Variants in DNAH12 observed in about 807,000 individuals in gnomAD.
The protein encoded by DNAH12 is axonemal beta dynein heavy chain 12.
In DNAH12, 285 loss-of-function variants were observed where a neutral mutation model predicts 371.5. The ratio of observed to expected loss-of-function variants is 0.77; its 90% CI spans 0.70 to 0.85. The LOEUF (loss-of-function observed/expected upper bound fraction) is 0.85, where lower values mean the gene tolerates loss of function less well. Ranked by LOEUF, DNAH12 falls within the 40% of genes least tolerant of loss-of-function variation. DNAH12 has a pLI of 0.00. For synonymous variants in DNAH12, 1,200 were observed against 1,213.0 expected, an observed-to-expected ratio of 0.99 and a Z score of 0.22; for missense variants, 3,611 against 3,689.4, an observed-to-expected ratio of 0.98 and a Z score of 0.55.
Position 57,470,363 on chromosome 3 carries a change from A to G in DNAH12, c.2105+80T>C, listed in dbSNP as rs988655294. 8.3e-6 allele frequency: 11 copies of G among 1,324,896 alleles called. No homozygotes were observed. In the Admixed American group the frequency reaches 3.3e-4, roughly 40 times the overall value. The allele number at this position is 1,324,896 out of a possible 1,614,324, so 82.1% of individuals were successfully genotyped here. On this transcript the variant is annotated intron_variant, in intron 16 of 73. Transcript: ENST00000495027. ...ATATAAATCCTACTTTTAAACACTT[A>G]ACCAAAAAAAAAATCAATTTATATT... is the stretch of plus-strand genomic sequence containing the variant.
Position 57,471,381 on chromosome 3 carries a change from A to G in DNAH12, c.1911+91T>C, listed in dbSNP as rs1016450748. 3.3e-6 allele frequency: 4 copies of G among 1,218,790 alleles called. No homozygotes were observed. In the African/African-American group the frequency reaches 6.4e-5, roughly 19 times the overall value. 75.5% of individuals were successfully genotyped at this position (1,218,790 alleles called of 1,614,324 possible). A position where few individuals can be genotyped will look rare whatever the true frequency, so the allele number is the denominator to read the frequency against. On this transcript the variant is annotated intron_variant, in intron 15 of 73. Transcript: ENST00000495027. Reference sequence around the variant, plus strand: ...TAGAGTAAACATAAAAAAATAGTAAACATATTTTTCTATACTTTTAAATTT... The same window carrying G: ...TAGAGTAAACATAAAAAAATAGTAAGCATATTTTTCTATACTTTTAAATTT...
upstream of DNAH12, among the ~76,000 whole-genome samples, chr3:57,547,513 C>A (rs1559773627): frequency 1.3e-5 from 2 of 152,018 alleles, no homozygotes; most frequent in Non-Finnish European, 2.9e-5. Context: ...TTTACAAGAA[C>A]AGATTCCTCT....
chr3:57,489,209 T>C (rs2067035054), intron 12 of DNAH12, among the ~76,000 whole-genome samples: 1 of 152,186 alleles, frequency 6.6e-6, no homozygotes, highest in African/African-American at 2.4e-5. Flanking sequence ...ATCCCAGATC[T>C]GCCCAATATC....
At chr3:57,520,648 A>C (rs900344394) in intron 4 of DNAH12, among the ~76,000 whole-genome samples, 5 of 151,612 alleles carry the variant, frequency 3.3e-5, no homozygotes, top group Non-Finnish European at 7.4e-5. Context: ...TCACCGTGTT[A>C]GCCAGGATGG....
intron 60 of DNAH12, 138 bp from the exon 61 acceptor site, chr3:57,335,078 A>C (rs375009374): frequency 1.6e-5 from 14 of 902,168 alleles, no homozygotes; most frequent in South Asian, 1.0e-4. Context: ...AAACTGGACA[A>C]AATTAATGAA....
chr3:57,438,918 C>CGAAAGAAAAAAAAAAAAAAA (rs562343761), intron 29 of DNAH12, among the ~76,000 whole-genome samples: 1 of 94,496 alleles, frequency 1.1e-5, no homozygotes, highest in Non-Finnish European at 2.0e-5. Context: ...CTGTCTCAGA[C>CGAAAGAAAAAAAAAAAAAAA]AAAAAAAAAA....
At position 57,375,513 on chromosome 3, in the gene DNAH12, T is replaced by C. The variant is rs2063263774; in HGVS notation, c.8617A>G (p.Lys2873Glu). The change falls in exon 55 of 74, where the codon AAA becomes GAA. Residue 2873 changes from lysine (K) to glutamate (E), a missense_variant. Lys to Glu is a moderately conservative substitution (Grantham distance 56). Transcript: ENST00000495027. ...AACTCCTCTGAACACGGGATTTTTT[T>C]CTTCTGTAAGAAATAAACAAAAATC... ...TKDWSMLCKK[K>E]KIPCSEEFLL... The C allele has an allele frequency of 1.3e-5, 2 of 152,302 alleles. No individual in the cohort carries two copies. Among genetic ancestry groups the C allele is most frequent in the South Asian group, 4.1e-4 (2 of 4,832 alleles). 9.4% of individuals were successfully genotyped at this position (152,302 alleles called of 1,614,324 possible).
the DNAH12 span, among the ~76,000 whole-genome samples, chr3:57,555,381 T>C: frequency 3.3e-5 from 5 of 152,306 alleles, no homozygotes; most frequent in East Asian, 9.6e-4. Flanking sequence ...AGAGTCTTCC[T>C]ATTTACTAAC....
chr3:57,310,213 C>T (rs1048095840), intron 67 of DNAH12, among the ~76,000 whole-genome samples: 2 of 152,152 alleles, frequency 1.3e-5, no homozygotes, highest in Non-Finnish European at 2.9e-5. Flanking sequence ...ATCACTTTCC[C>T]ACAATGTATT....
intron 4 of DNAH12, among the ~76,000 whole-genome samples, chr3:57,516,722 T>C (rs2068212409): frequency 6.6e-6 from 1 of 152,244 alleles, no homozygotes; most frequent in African/African-American, 2.4e-5. Context: ...ACCTGGTTCT[T>C]CCTTTATACT....
chr3:57,461,367 C>A, intron 19 of DNAH12, 122 bp downstream of exon 19: 1 of 808,648 alleles, frequency 1.2e-6, no homozygotes, highest in Non-Finnish European at 1.9e-6. Context: ...AGTTATAGGT[C>A]TATGATTTGA....
intron 47 of DNAH12, among the ~76,000 whole-genome samples, chr3:57,386,061 TAGTA>T (rs1442435940): frequency 3.2e-4 from 48 of 152,268 alleles, no homozygotes; most frequent in African/African-American, 1.1e-3. Context: ...GAACTAACAC[TAGTA>T]AGTATTACTA....
At chr3:57,415,993 G>A (rs987277674) in intron 37 of DNAH12, among the ~76,000 whole-genome samples, 6 of 151,934 alleles carry the variant, frequency 3.9e-5, no homozygotes, top group African/African-American at 1.5e-4. Context: ...TCACCGTGTT[G>A]GCCAGGCTGG....
At chr3:57,553,866 C>A in the DNAH12 span, among the ~76,000 whole-genome samples, 3 of 150,428 alleles carry the variant, frequency 2.0e-5, no homozygotes, top group East Asian at 5.9e-4. Flanking sequence ...TTGCTGTCTC[C>A]CAAGCTGGAG....
At chr3:57,333,836 T>C (rs952952416) in intron 62 of DNAH12, among the ~76,000 whole-genome samples, 1 of 152,032 alleles carries the variant, frequency 6.6e-6, no homozygotes, top group Non-Finnish European at 1.5e-5. Flanking sequence ...TTATTAGACA[T>C]GCCAAAAAGC....
At chr3:57,525,477 T>TG (rs2068613368) in intron 2 of DNAH12, among the ~76,000 whole-genome samples, 1 of 152,090 alleles carries the variant, frequency 6.6e-6, no homozygotes, top group Non-Finnish European at 1.5e-5. Context: ...TACTGTGAGA[T>TG]GGGTGGGGAT....
At chr3:57,302,567 A>ATATATATTTTTTTTTT (rs2061380979) in intron 69 of DNAH12, among the ~76,000 whole-genome samples, 1 of 27,480 alleles carries the variant, frequency 3.6e-5, no homozygotes, top group Non-Finnish European at 6.3e-5. Context: ...ATATATATGT[A>ATATATATTTTTTTTTT]TTTTTTTTTT....
Position 57,405,081 on chromosome 3 carries a change from C to T in DNAH12, c.6643G>A (p.Asp2215Asn). ...DYMNPDLEGD[D>N]RVYIEIPNIH... ...TTTGGAATTTCAATATAAACTCTAT[C>T]ATCTCCTTCAAGGTCAGGATTCATA... The change falls in exon 42 of 74, where the codon GAT becomes AAT. Residue 2215 changes from aspartate to asparagine, a missense_variant. By Grantham distance (23) the Asp-to-Asn change is conservative. Around this residue, in one of 3 missense-constraint regions of DNAH12, gnomAD observed 2,266 missense variants for 2,236.9 expected, o/e 1.01. Transcript: ENST00000495027. The T allele has an allele frequency of 6.5e-7, 1 of 1,546,598 alleles. No homozygotes were observed. Among genetic ancestry groups the T allele is most frequent in the Non-Finnish European group, 8.7e-7 (1 of 1,145,336 alleles).
At chr3:57,525,168 A>AAG (rs2068597220) in intron 2 of DNAH12, among the ~76,000 whole-genome samples, 1 of 149,904 alleles carries the variant, frequency 6.7e-6, no homozygotes, top group Non-Finnish European at 1.5e-5. Context: ...AAAAAAAAAA[A>AAG]AAAGAAAAAA....
Sources: gnomAD v4.1 joint callset for allele counts (sites outside exome capture counted in the v4.1 genomes callset) on GRCh38, gnomAD v4.1.1 for gene constraint, gnomAD v4.1.1 regional missense constraint, MANE v1.5 for transcripts, NCBI Gene and HGNC (gene_info 2026-07-23, HGNC 2026-07-21) for gene names.